SNX19: variants seen among roughly 807,000 people sequenced by gnomAD.
SNX19 encodes sorting nexin-19.
Under a neutral mutation model 85.2 loss-of-function variants are expected in SNX19, and 60 were observed. The observed-to-expected ratio is 0.70, with a 90% CI of 0.57 to 0.87. The LOEUF is 0.87. Ranked by LOEUF, SNX19 falls within the 40% of genes least tolerant of loss-of-function variation. The pLI is 0.00. For synonymous variants in SNX19, 520 were observed against 470.0 expected (o/e 1.11, Z -1.38); for missense variants, 1,201 against 1,217.8 (o/e 0.99, Z 0.21).
At position 130,870,835 on chromosome 11, in the gene SNX19, G is replaced by C. The variant is rs1942999237; in HGVS notation, c.*7587C>G. On this transcript the variant is annotated 3_prime_UTR_variant, in exon 11 of 11. Transcript: ENST00000265909. The stretch of plus-strand genomic sequence containing the variant: ...GTATATACATATAGTTGGGGGGGGG[G>C]CATAAGGACATAATAGGACTAAAAA... Among the ~76,000 whole-genome samples the C allele has an allele frequency of 6.7e-6, 1 of 148,682 alleles. No individual in the cohort carries two copies. The highest frequency in any genetic ancestry group is 1.5e-5 in the Non-Finnish European group (1 of 67,204).
At position 130,894,670 on chromosome 11, in the gene SNX19, C is replaced by T. The variant is rs78986101; in HGVS notation, c.2573+8585G>A. The T allele has an allele frequency of 0.013, 13,072 of 985,360 alleles. 1,215 individuals carry two copies. The African/African-American group carries it at 0.2, about 15-fold the overall frequency. 61.0% of individuals were successfully genotyped at this position (985,360 alleles called of 1,614,324 possible). On this transcript the variant is annotated intron_variant, in intron 8 of 10. Coordinates refer to ENST00000265909, the MANE Select transcript of SNX19 (RefSeq NM_014758.3). ...AGCAGTTTGGTAGGCTTTTTGTCAC[C>T]TATTTGAAACAATAAAAGCAACACA...
In SNX19 at chr11:130,873,119, C is replaced by T. The variant is rs187607071; in HGVS notation, c.*5303G>A. On this transcript the variant is annotated 3_prime_UTR_variant, in exon 11 of 11. Coordinates refer to ENST00000265909, the MANE Select transcript of SNX19 (RefSeq NM_014758.3). ...AAATTTGCATTTTAACCCGATCCCA[C>T]GTGAATCACACACACATTAAAATTT... 2.0e-5 allele frequency among the ~76,000 whole-genome samples: 3 copies of T among 152,210 alleles called. No homozygotes were observed. Among genetic ancestry groups the T allele is most frequent in the African/African-American group, 2.4e-5 (1 of 41,452 alleles).
At chr11:130,903,565 C>T (rs1471098557) in intron 7 of SNX19, among the ~76,000 whole-genome samples, 181 bp from the exon 8 acceptor site, 3 of 152,000 alleles carry the variant, frequency 2.0e-5, no homozygotes, top group Non-Finnish European at 4.4e-5. Context: ...CAGTGACAGG[C>T]TCAGCATTTC....
At position 130,905,994 on chromosome 11, in the gene SNX19, T is replaced by A. The variant is rs1253290467; in HGVS notation, c.2402A>T (p.Asp801Val). ...PKGRVDSCVS[D>V]AAVPAQDPSN... ...GGGGTCTTGGGCTGGCACGGCTGCA[T>A]CTGACACGCAACTGTCCACACGTCC... is the stretch of plus-strand genomic sequence containing the variant. Residue 801 changes from aspartate (D) to valine (V), a missense_variant, in exon 7 of 11, where the codon GAT becomes GTT. Coordinates refer to ENST00000265909, the MANE Select transcript of SNX19 (RefSeq NM_014758.3). 6.2e-7 allele frequency: 1 copy of A among 1,614,100 alleles called. No individual in the cohort carries two copies. Among genetic ancestry groups the A allele is most frequent in the African/African-American group, 1.3e-5 (1 of 74,946 alleles).
In SNX19 at chr11:130,869,708, T is replaced by C. The variant is rs576621570; in HGVS notation, c.*8714A>G. ...TCAAAATGTTTATTCTTAGGGTCGG[T>C]AGTTATTCTGACTTCACAGAAGGGA... On this transcript the variant is annotated 3_prime_UTR_variant, in exon 11 of 11. Coordinates refer to ENST00000265909, the MANE Select transcript of SNX19 (RefSeq NM_014758.3). 6.6e-6 allele frequency: 1 copy of C among 152,338 alleles called. No individual in the cohort carries two copies. Among genetic ancestry groups the C allele is most frequent in the South Asian group, 2.1e-4 (1 of 4,830 alleles). The allele number at this position is 152,338 out of a possible 1,614,324, so 9.4% of individuals were successfully genotyped here.
chr11:130,890,640 T>C (rs1944428794), intron 8 of SNX19, among the ~76,000 whole-genome samples: 1 of 152,174 alleles, frequency 6.6e-6, no homozygotes, highest in Non-Finnish European at 1.5e-5. Flanking sequence ...AAATACACTA[T>C]ATTGTTTTAC....
chr11:130,916,058 A>G lies in SNX19; in HGVS notation c.-119T>C, dbSNP rs1592392401. 1 of 914,200 alleles carries G rather than the reference A, an allele frequency of 1.1e-6. No homozygotes were observed. The highest frequency in any genetic ancestry group is 1.6e-6 in the Non-Finnish European group (1 of 610,484). The allele number at this position is 914,200 out of a possible 1,614,324, so 56.6% of individuals were successfully genotyped here. ...GGGCGATCTGGGTGCTGTTCAGGGA[A>G]CCGGGGCTCCAGGCCCTCAAAGTCC... On this transcript the variant is annotated 5_prime_UTR_variant, in exon 1 of 11. Transcript: ENST00000265909.
intron 8 of SNX19, among the ~76,000 whole-genome samples, chr11:130,892,235 T>C (rs1944551365): frequency 2.6e-5 from 4 of 151,086 alleles, no homozygotes; most frequent in Middle Eastern, 3.4e-3. Context: ...GCTACCGACA[T>C]ACTATAATCC....
rs758655328 is a variant in SNX19, at chr11:130,910,299, G to A, written c.1885C>T (p.Arg629Cys). The A allele has an allele frequency of 6.8e-6, 11 of 1,613,412 alleles. No homozygotes were observed. In the Admixed American group the frequency reaches 1.2e-4, roughly 17 times the overall value. The stretch of plus-strand genomic sequence containing the variant: ...AGGAATGATTCTAGGAGGCTCTTAC[G>A]GGCTTCTACTCTGTCACTGTCCATG... ...GNMDSDRVEA[R>C]KSLLESFLKQ... Residue 629 changes from arginine (R) to cysteine (C), a missense_variant, in exon 3 of 11, where the codon CGT becomes TGT. This residue lies in a region of SNX19 where 125 missense variants were observed against 171.6 expected (regional missense o/e 0.73). Coordinates refer to ENST00000265909, the MANE Select transcript of SNX19 (RefSeq NM_014758.3).
intron 2 of SNX19, 110 bp from the exon 3 acceptor site, chr11:130,910,480 TAAA>T: frequency 1.2e-6 from 1 of 816,014 alleles, no homozygotes; most frequent in Non-Finnish European, 1.9e-6. Context: ...TTCCTTGGAT[TAAA>T]AAAAACAATT....
Position 130,873,912 on chromosome 11 carries a change from T to C in SNX19, c.*4510A>G, listed in dbSNP as rs1943120525. On this transcript the variant is annotated 3_prime_UTR_variant, in exon 11 of 11. Transcript: ENST00000265909. ...GTAGATATCTGACCTTCATGGAAGA[T>C]GACCTCATCTCTGGGGGAAAATACT... Among the ~76,000 whole-genome samples the C allele has an allele frequency of 6.6e-6, 1 of 152,226 alleles. No individual in the cohort carries two copies. Among genetic ancestry groups the C allele is most frequent in the African/African-American group, 2.4e-5 (1 of 41,464 alleles).
intron 8 of SNX19, among the ~76,000 whole-genome samples, chr11:130,882,712 G>A (rs963096572): frequency 1.3e-5 from 2 of 152,162 alleles, no homozygotes; most frequent in African/African-American, 4.8e-5. Context: ...TATGTAAGAG[G>A]GTCACTAGAG....
At chr11:130,906,275 AT>A in intron 6 of SNX19, 142 bp from the exon 7 acceptor site, 1 of 869,992 alleles carries the variant, frequency 1.1e-6, no homozygotes, top group Non-Finnish European at 1.7e-6. Flanking sequence ...TTTAGGAAAG[AT>A]TTTATTTTTT....
Position 130,878,235 on chromosome 11 carries a change from T to G in SNX19, c.*187A>C. 7.8e-6 allele frequency: 4 copies of G among 514,732 alleles called. No individual in the cohort carries two copies. The highest frequency in any genetic ancestry group is 1.3e-5 in the Non-Finnish European group (4 of 297,144). 31.9% of individuals were successfully genotyped at this position (514,732 alleles called of 1,614,324 possible). On this transcript the variant is annotated 3_prime_UTR_variant, in exon 11 of 11. Coordinates refer to ENST00000265909, the MANE Select transcript of SNX19 (RefSeq NM_014758.3). ...AAAGGAACAGGGAAATAAACGTGCA[T>G]ACAACTGGGACACACAGACCCCTGT...
At chr11:130,894,326 G>C (rs1353007729) in intron 8 of SNX19, among the ~76,000 whole-genome samples, 2 of 152,114 alleles carry the variant, frequency 1.3e-5, no homozygotes, top group Non-Finnish European at 2.9e-5. Context: ...CCACTCAAAG[G>C]GGCAACTTCT....
chr11:130,913,667 T>A (rs1946321452), intron 1 of SNX19, among the ~76,000 whole-genome samples: 1 of 152,226 alleles, frequency 6.6e-6, no homozygotes, highest in Non-Finnish European at 1.5e-5. Context: ...CCCTGCTGAT[T>A]TCTTTTTCAA....
intron 7 of SNX19, among the ~76,000 whole-genome samples, chr11:130,905,419 A>C (rs1945589313): frequency 6.6e-6 from 1 of 152,212 alleles, no homozygotes. Flanking sequence ...AAGTGAAGAT[A>C]TACAATATTC....
Position 130,878,382 on chromosome 11 carries a change from C to A in SNX19, c.*40G>T, listed in dbSNP as rs769976503. The A allele has an allele frequency of 1.3e-6, 2 of 1,598,076 alleles. No individual in the cohort carries two copies. Among genetic ancestry groups the A allele is most frequent in the South Asian group, 2.2e-5 (2 of 89,116 alleles). ...TGACTGGTCTCTGGTGGCCGAGTAA[C>A]TCTACTTCCCTGACCTGGGAAGAAG... On this transcript the variant is annotated 3_prime_UTR_variant, in exon 11 of 11. Coordinates refer to ENST00000265909, the MANE Select transcript of SNX19 (RefSeq NM_014758.3).
At chr11:130,888,731 C>T (rs752459115) in intron 8 of SNX19, among the ~76,000 whole-genome samples, 4 of 152,114 alleles carry the variant, frequency 2.6e-5, no homozygotes, top group Non-Finnish European at 4.4e-5. Flanking sequence ...GGACAAATGG[C>T]AATGTTTCTT....
Sources: gnomAD v4.1 joint callset for allele counts (sites outside exome capture counted in the v4.1 genomes callset) on GRCh38, gnomAD v4.1.1 for gene constraint, gnomAD v4.1.1 regional missense constraint, MANE v1.5 for transcripts, NCBI Gene and HGNC (gene_info 2026-07-23, HGNC 2026-07-21) for gene names.